Variants in STXBP5L observed in about 807,000 individuals in gnomAD.
STXBP5L encodes the protein syntaxin binding protein 5L, also known as syntaxin-binding protein 5-like.
STXBP5L carries 65 observed loss-of-function variants against 144.5 expected under a neutral mutation model. That is an observed-to-expected ratio of 0.45 (90% CI 0.37 to 0.55). STXBP5L has a LOEUF of 0.55. STXBP5L is among the 20% of genes least tolerant of loss of function. The pLI is 0.00. For missense variants in STXBP5L, 1,298 were observed against 1,405.5 expected (o/e 0.92, Z 1.22); for synonymous variants, 505 against 469.6 (o/e 1.08, Z -0.97).
chr3:121,337,416 C>A (rs2044545524), intron 20 of STXBP5L, among the ~76,000 whole-genome samples: 2 of 103,854 alleles, frequency 1.9e-5, no homozygotes, highest in Admixed American at 1.1e-4. Flanking sequence ...TTAGATAGAA[C>A]AGACACTTTA....
At position 121,407,177 on chromosome 3, in the gene STXBP5L, C is replaced by A. The variant is rs1426534597; in HGVS notation, c.2588-66C>A. The A allele has an allele frequency of 2.0e-6, 3 of 1,505,464 alleles. No homozygotes were observed. The African/African-American group carries it at 4.2e-5, about 21-fold the overall frequency. 93.3% of individuals were successfully genotyped at this position (1,505,464 alleles called of 1,614,324 possible). On this transcript the variant is annotated intron_variant, in intron 22 of 26. Transcript: ENST00000471454. ...AGGTATAAATTATCACAATGTAAAACTTTAATTCCCTATAGATGCTTTAGA... is the reference window on the plus strand; with the variant it reads ...AGGTATAAATTATCACAATGTAAAAATTTAATTCCCTATAGATGCTTTAGA...
chr3:121,033,593 A>T (rs1022144638), intron 3 of STXBP5L, among the ~76,000 whole-genome samples: 1 of 151,374 alleles, frequency 6.6e-6, no homozygotes, highest in Non-Finnish European at 1.5e-5. Flanking sequence ...AAAACATTAA[A>T]AAATAAATAA....
At chr3:121,220,209 A>G (rs1179682550) in intron 10 of STXBP5L, among the ~76,000 whole-genome samples, 8 of 152,102 alleles carry the variant, frequency 5.3e-5, no homozygotes, top group Admixed American at 2.6e-4. Context: ...ACTGTTACAT[A>G]TAAGTGGTTA....
At chr3:120,965,135 G>A (rs984842317) in intron 3 of STXBP5L, among the ~76,000 whole-genome samples, 46 of 152,020 alleles carry the variant, frequency 3.0e-4, no homozygotes, top group Admixed American at 1.4e-3. Flanking sequence ...TTGCTTGGTA[G>A]ATCTTCCTCC....
At chr3:121,056,382 T>C (rs1948462230) in intron 5 of STXBP5L, among the ~76,000 whole-genome samples, 1 of 152,102 alleles carries the variant, frequency 6.6e-6, no homozygotes. Flanking sequence ...TCTGTACTTA[T>C]TATGTATATT....
At chr3:121,017,604 T>A (rs927099569) in intron 3 of STXBP5L, among the ~76,000 whole-genome samples, 4 of 152,206 alleles carry the variant, frequency 2.6e-5, no homozygotes, top group Non-Finnish European at 5.9e-5. Flanking sequence ...GGATATGAGG[T>A]TAATATATGT....
chr3:121,211,578 C>CTTTTTTTTTTTT (rs1188424283), intron 10 of STXBP5L, among the ~76,000 whole-genome samples: 13 of 110,260 alleles, frequency 1.2e-4, no homozygotes, highest in Non-Finnish European at 1.6e-4. Flanking sequence ...TTTTTTCTTT[C>CTTTTTTTTTTTT]TTTTTTTTTT....
intron 20 of STXBP5L, among the ~76,000 whole-genome samples, chr3:121,341,760 C>A (rs748629050): frequency 9.9e-5 from 15 of 151,978 alleles, no homozygotes; most frequent in Admixed American, 8.5e-4. Flanking sequence ...ATAAGCCAGA[C>A]ACAGAAAGAC....
intron 3 of STXBP5L, among the ~76,000 whole-genome samples, chr3:121,035,203 G>T (rs1387396586): frequency 6.6e-6 from 1 of 152,034 alleles, no homozygotes; most frequent in Non-Finnish European, 1.5e-5. Context: ...TTGTCAGAAG[G>T]TTTTATTTTA....
At chr3:121,073,505 C>A (rs2041893848) in intron 5 of STXBP5L, among the ~76,000 whole-genome samples, 1 of 152,198 alleles carries the variant, frequency 6.6e-6, no homozygotes, top group Admixed American at 6.5e-5. Context: ...CAGGTCTAGA[C>A]ACTTGGAGAA....
intron 20 of STXBP5L, among the ~76,000 whole-genome samples, chr3:121,327,477 TA>T (rs2044186493): frequency 6.6e-6 from 1 of 152,180 alleles, no homozygotes; most frequent in Non-Finnish European, 1.5e-5. Context: ...TACAGATGAC[TA>T]TTATTGTGTA....
intron 20 of STXBP5L, among the ~76,000 whole-genome samples, chr3:121,326,895 G>C (rs1368869851): frequency 6.6e-6 from 1 of 152,048 alleles, no homozygotes; most frequent in Non-Finnish European, 1.5e-5. Flanking sequence ...TTCTTCACTG[G>C]AAATCAAAAA....
chr3:121,306,290 A>T (rs941152703), intron 19 of STXBP5L, among the ~76,000 whole-genome samples: 1 of 152,018 alleles, frequency 6.6e-6, no homozygotes, highest in South Asian at 2.1e-4. Flanking sequence ...CTCCAACTCC[A>T]AGTTGAAGAG....
intron 9 of STXBP5L, among the ~76,000 whole-genome samples, chr3:121,205,585 T>C (rs1199647231): frequency 6.6e-6 from 1 of 152,228 alleles, no homozygotes; most frequent in Non-Finnish European, 1.5e-5. Context: ...TATGTATGTG[T>C]GGTCTTCAAT....
chr3:121,205,141 G>T (rs960612828), intron 9 of STXBP5L, among the ~76,000 whole-genome samples: 1 of 152,136 alleles, frequency 6.6e-6, no homozygotes, highest in Non-Finnish European at 1.5e-5. Context: ...TCCTAGTATG[G>T]ATTGTCATTG....
In STXBP5L at chr3:121,152,530, A is replaced by C. The variant is rs202064473; in HGVS notation, c.723A>C (p.Lys241Asn). 4.4e-6 allele frequency: 7 copies of C among 1,609,102 alleles called. No individual in the cohort carries two copies. The Admixed American group carries it at 1.2e-4, about 27-fold the overall frequency. The part of the protein sequence containing the change: ...GTVVFWDLKS[K>N]RAELRVYYDE... ...TAGTATTCTGGGACTTGAAATCTAAAAGAGCAGAACTGAGAGTTTATTATG... is the reference window on the plus strand; with the variant it reads ...TAGTATTCTGGGACTTGAAATCTAACAGAGCAGAACTGAGAGTTTATTATG... The change falls in exon 8 of 27, where the codon AAA becomes AAC. Residue 241 changes from lysine (K) to asparagine (N), a missense_variant. Physicochemically the swap from Lys to Asn is moderately conservative, Grantham distance 94. Coordinates refer to ENST00000471454, the MANE Select transcript of STXBP5L (RefSeq NM_001308330.2).
At chr3:121,336,609 C>A (rs987468677) in intron 20 of STXBP5L, among the ~76,000 whole-genome samples, 7 of 151,846 alleles carry the variant, frequency 4.6e-5, no homozygotes, top group Non-Finnish European at 4.4e-5. Flanking sequence ...AAAAAAATAA[C>A]AGATGCTGCA....
intron 20 of STXBP5L, among the ~76,000 whole-genome samples, chr3:121,336,494 C>CA (rs2044509810): frequency 6.6e-6 from 1 of 151,532 alleles, no homozygotes. Flanking sequence ...GACCCTGTCT[C>CA]AAAAAAACCA....
At chr3:121,308,185 G>T (rs1397300082) in intron 19 of STXBP5L, among the ~76,000 whole-genome samples, 5 of 152,158 alleles carry the variant, frequency 3.3e-5, no homozygotes, top group African/African-American at 1.2e-4. Flanking sequence ...GTTGATAAGT[G>T]CAGCAAACCA....
Sources: allele counts gnomAD v4.1 joint callset (sites outside exome capture counted in the v4.1 genomes callset), GRCh38; gene constraint gnomAD v4.1.1; transcripts MANE v1.5; gene names NCBI Gene and HGNC (gene_info 2026-07-23, HGNC 2026-07-21).